Variants in ARHGAP23 observed in about 807,000 individuals in gnomAD.
The protein encoded by ARHGAP23 is Rho GTPase activating protein 23, also known as rho GTPase-activating protein 23.
Under a neutral mutation model 136.3 loss-of-function variants are expected in ARHGAP23, and 34 were observed. The observed-to-expected ratio is 0.25, with a 90% CI of 0.19 to 0.33. The LOEUF is 0.33. ARHGAP23 is among the 10% of genes least tolerant of loss of function. ARHGAP23 has a pLI of 1.00. For missense variants in ARHGAP23, 1,808 were observed against 2,139.0 expected (o/e 0.85, Z 3.05); for synonymous variants, 832 against 920.5 (o/e 0.90, Z 1.74).
At chr17:38,435,509 A>G (rs1351338704) in intron 1 of ARHGAP23, among the ~76,000 whole-genome samples, 1 of 152,088 alleles carries the variant, frequency 6.6e-6, no homozygotes, top group African/African-American at 2.4e-5. Context: ...CCCAAGGGAG[A>G]ACCTTGCCCC....
At position 38,421,187 on chromosome 17, in the gene ARHGAP23, C is replaced by T. The variant is rs1481413139; in HGVS notation, n.120+1788C>T. Among the ~76,000 whole-genome samples the T allele has an allele frequency of 2.6e-5, 4 of 152,240 alleles. No individual in the cohort carries two copies. In the East Asian group the frequency reaches 5.8e-4, roughly 22 times the overall value. ...GGGAGTCAGGACATTGGGCTTCTGCCCTTGGCTCCATTACAGAATCATTGG... is the reference window on the plus strand; with the variant it reads ...GGGAGTCAGGACATTGGGCTTCTGCTCTTGGCTCCATTACAGAATCATTGG... On this transcript the variant is annotated intron_variant and non_coding_transcript_variant, in intron 1 of 4. Coordinates refer to the ARHGAP23 transcript ENST00000633445.
Position 38,471,737 on chromosome 17 carries a change from G to A in ARHGAP23, c.1975-126G>A, listed in dbSNP as rs115189245. 775 of 1,116,224 alleles carry A rather than the reference G, an allele frequency of 6.9e-4. 3 individuals carry two copies. The African/African-American group carries it at 0.011, about 16-fold the overall frequency. 69.1% of individuals were successfully genotyped at this position (1,116,224 alleles called of 1,614,324 possible). ...GAGGACAAGCAATGCCCATGAGGTC[G>A]CACAGCACATCGGGGTGTAGCACAG... On this transcript the variant is annotated intron_variant, in intron 10 of 23. Coordinates refer to ENST00000622683, the MANE Select transcript of ARHGAP23 (RefSeq NM_001199417.2).
intron 1 of ARHGAP23, among the ~76,000 whole-genome samples, chr17:38,429,411 A>C (rs564877770): frequency 6.6e-6 from 1 of 152,296 alleles, no homozygotes; most frequent in African/African-American, 2.4e-5. Flanking sequence ...AGGGTTGAAC[A>C]CTGTCAGGCC....
intron 6 of ARHGAP23, among the ~76,000 whole-genome samples, chr17:38,464,976 G>A (rs1053255018): frequency 2.6e-5 from 4 of 152,078 alleles, no homozygotes; most frequent in Non-Finnish European, 5.9e-5. Flanking sequence ...TCCTCCTCCC[G>A]CCAGCCAGCC....
intron 1 of ARHGAP23, among the ~76,000 whole-genome samples, chr17:38,444,472 G>C (rs768103291): frequency 3.3e-5 from 5 of 152,128 alleles, no homozygotes; most frequent in African/African-American, 1.2e-4. Context: ...TGGTGGGTTT[G>C]AGGGCCCCCA....
At position 38,477,972 on chromosome 17, in the gene ARHGAP23, C is replaced by T. The variant is rs72823861; in HGVS notation, c.2436+76C>T. The T allele has an allele frequency of 2.0e-5, 29 of 1,450,070 alleles. No homozygotes were observed. The highest frequency in any genetic ancestry group is 2.4e-4 in the Middle Eastern group (1 of 4,172). The allele number at this position is 1,450,070 out of a possible 1,614,324, so 89.8% of individuals were successfully genotyped here. A position where few individuals can be genotyped will look rare whatever the true frequency, so the allele number is the denominator to read the frequency against. On this transcript the variant is annotated intron_variant, in intron 12 of 23. Transcript: ENST00000622683. This position sits in a 1 kb window ranked among gnomAD's most constrained non-coding sequence, Gnocchi z 6.6. Reference sequence around the variant, plus strand: ...TCACCGGCTGTGGACCTGGGATGCCCGCTCTGAGCCTCACTTCCCTCTGCT... The same window carrying T: ...TCACCGGCTGTGGACCTGGGATGCCTGCTCTGAGCCTCACTTCCCTCTGCT...
intron 11 of ARHGAP23, among the ~76,000 whole-genome samples, chr17:38,475,318 G>C (rs1487422447): frequency 2.0e-5 from 3 of 152,244 alleles, no homozygotes; most frequent in Non-Finnish European, 4.4e-5. Flanking sequence ...TCATTTACCA[G>C]CCGGAGACAC....
At position 38,477,779 on chromosome 17, in the gene ARHGAP23, G is replaced by A; in HGVS notation, c.2319G>A (p.Arg773=). The A allele has an allele frequency of 4.5e-6, 7 of 1,549,850 alleles. No individual in the cohort carries two copies. Among genetic ancestry groups the A allele is most frequent in the Non-Finnish European group, 6.1e-6 (7 of 1,146,384 alleles). The part of the protein sequence containing the change: ...VDISYSETKR[R]HVFRLTTADF... ...TCTCCTACAGCGAGACCAAGAGGAGGCACGTGTTCCGGCTGACCACCGCTG... is the reference window on the plus strand; with the variant it reads ...TCTCCTACAGCGAGACCAAGAGGAGACACGTGTTCCGGCTGACCACCGCTG... The change falls in exon 12 of 24, where the codon AGG becomes AGA. Residue 773 remains arginine (R), a synonymous_variant. Coordinates refer to ENST00000622683, the MANE Select transcript of ARHGAP23 (RefSeq NM_001199417.2). The surrounding 1 kb of genome is among the most constrained non-coding windows in gnomAD (Gnocchi z 6.6).
rs148502936 is a variant in ARHGAP23, at chr17:38,469,110, C to T, written c.1649-34C>T. ...GGAGGCAGGCAGGCTCCGCTGTCTGCTGCCTTCACACCTTTCTCCTTCCAC... is the reference window on the plus strand; with the variant it reads ...GGAGGCAGGCAGGCTCCGCTGTCTGTTGCCTTCACACCTTTCTCCTTCCAC... On this transcript the variant is annotated intron_variant, in intron 7 of 23. Transcript: ENST00000622683. 6.0e-4 allele frequency: 915 copies of T among 1,525,236 alleles called. 5 individuals are homozygous for T. In the African/African-American group the frequency reaches 0.012, roughly 20 times the overall value. The allele number at this position is 1,525,236 out of a possible 1,614,324, so 94.5% of individuals were successfully genotyped here.
At position 38,511,020 on chromosome 17, in the gene ARHGAP23, T is replaced by C; in HGVS notation, c.*48T>C. On this transcript the variant is annotated 3_prime_UTR_variant, in exon 24 of 24. Transcript: ENST00000622683. Reference sequence around the variant, plus strand: ...GGCGCCACCCCTCCCTAGAGCCCCTTTGGAACCAGGAGGCTTCACCAGCCT... The same window carrying C: ...GGCGCCACCCCTCCCTAGAGCCCCTCTGGAACCAGGAGGCTTCACCAGCCT... The C allele has an allele frequency of 7.2e-7, 1 of 1,383,600 alleles. No homozygotes were observed. 85.7% of individuals were successfully genotyped at this position (1,383,600 alleles called of 1,614,324 possible).
chr17:38,435,511 C>A (rs2038775167), intron 1 of ARHGAP23, among the ~76,000 whole-genome samples: 2 of 152,210 alleles, frequency 1.3e-5, no homozygotes, highest in African/African-American at 4.8e-5. Flanking sequence ...CAAGGGAGAA[C>A]CTTGCCCCCG....
At chr17:38,445,291 C>T (rs2039007345) in intron 1 of ARHGAP23, among the ~76,000 whole-genome samples, 1 of 137,822 alleles carries the variant, frequency 7.3e-6, no homozygotes, top group Admixed American at 7.7e-5. Flanking sequence ...ACAGTGAAAC[C>T]CTGTCTCTAC....
At chr17:38,508,613 A>C (rs934269371) in intron 23 of ARHGAP23, among the ~76,000 whole-genome samples, 4 of 152,074 alleles carry the variant, frequency 2.6e-5, no homozygotes, top group Non-Finnish European at 4.4e-5. Context: ...GAGGCAGGAA[A>C]CCCTATTAGG....
At chr17:38,482,413 T>C in intron 15 of ARHGAP23, 110 bp from the exon 16 acceptor site, 1 of 1,141,430 alleles carries the variant, frequency 8.8e-7, no homozygotes. Context: ...GGCCTTTTGT[T>C]CCCCCCAAGG....
At chr17:38,420,062 C>T (rs2144452450) in intron 1 of ARHGAP23, among the ~76,000 whole-genome samples, 1 of 152,294 alleles carries the variant, frequency 6.6e-6, no homozygotes, top group East Asian at 1.9e-4. Flanking sequence ...TGCTGCCTTC[C>T]TTTCACACAG....
chr17:38,446,779 T>C (rs2039044894), intron 1 of ARHGAP23, among the ~76,000 whole-genome samples: 1 of 152,078 alleles, frequency 6.6e-6, no homozygotes, highest in Non-Finnish European at 1.5e-5. Context: ...CTGATTTCCA[T>C]AGCAACTCCA....
chr17:38,471,778 G>A (rs1208759668), intron 10 of ARHGAP23, 85 bp from the exon 11 acceptor site: 7 of 1,442,256 alleles, frequency 4.9e-6, no homozygotes, highest in Non-Finnish European at 6.6e-6. Context: ...TATCAGGCCT[G>A]TGCGGCCACA....
chr17:38,501,081 A>G (rs1387724876), intron 23 of ARHGAP23: 1 of 154,850 alleles, frequency 6.5e-6, no homozygotes, highest in African/African-American at 2.4e-5. Context: ...TGGAGAGCCT[A>G]AAGCAAGCAG....
rs532327633 is a variant in ARHGAP23, at chr17:38,454,909, C to T, written c.64-3193C>T. Among the ~76,000 whole-genome samples, 6 of 152,318 alleles carry T rather than the reference C, an allele frequency of 3.9e-5. No individual in the cohort carries two copies. The South Asian group carries it at 8.3e-4, about 21-fold the overall frequency. ...GTCACCATCAGCTGGTATTTTTGGACGTCTCTTTCTTTCCTGACATGAGGG... is the reference window on the plus strand; with the variant it reads ...GTCACCATCAGCTGGTATTTTTGGATGTCTCTTTCTTTCCTGACATGAGGG... On this transcript the variant is annotated intron_variant, in intron 1 of 23. Coordinates refer to ENST00000622683, the MANE Select transcript of ARHGAP23 (RefSeq NM_001199417.2).
Sources: gnomAD v4.1 joint callset for allele counts (sites outside exome capture counted in the v4.1 genomes callset) on GRCh38, gnomAD v4.1.1 for gene constraint, Gnocchi (gnomAD v3.1) non-coding constraint, MANE v1.5 for transcripts, NCBI Gene and HGNC (gene_info 2026-07-23, HGNC 2026-07-21) for gene names.